Variants in LRRCC1 observed in about 807,000 individuals in gnomAD.
LRRCC1 encodes the protein leucine rich repeat and coiled-coil centrosomal protein 1, also known as leucine-rich repeat and coiled-coil domain-containing protein 1.
LRRCC1 carries 115 observed loss-of-function variants against 126.0 expected under a neutral mutation model. That is an observed-to-expected ratio of 0.91 (90% CI 0.78 to 1.07). The LOEUF (loss-of-function observed/expected upper bound fraction) is 1.07, where lower values mean the gene tolerates loss of function less well. Ranked by LOEUF, LRRCC1 falls within the 50% of genes least tolerant of loss-of-function variation. The pLI is 0.00. For missense variants in LRRCC1, 1,172 were observed against 1,175.7 expected, an observed-to-expected ratio of 1.00 and a Z score of 0.05; for synonymous variants, 400 against 393.4, an observed-to-expected ratio of 1.02 and a Z score of -0.20.
intron 6 of LRRCC1, among the ~76,000 whole-genome samples, chr8:85,122,729 T>C (rs542991970): frequency 6.6e-6 from 1 of 152,332 alleles, no homozygotes; most frequent in African/African-American, 2.4e-5. Flanking sequence ...CCATTTTCTC[T>C]TGAGAATAGG....
chr8:85,134,026 C>A (rs145019263), intron 12 of LRRCC1, among the ~76,000 whole-genome samples: 1 of 152,308 alleles, frequency 6.6e-6, no homozygotes, highest in Non-Finnish European at 1.5e-5. Context: ...TCCTATTCCT[C>A]CAATGTATCA....
chr8:85,113,980 A>G (rs1338699711), intron 4 of LRRCC1, among the ~76,000 whole-genome samples: 3 of 152,070 alleles, frequency 2.0e-5, no homozygotes, highest in Admixed American at 6.6e-5. Context: ...TCATTTTATT[A>G]TTCATATGCA....
chr8:85,137,733 A>ACAC, intron 15 of LRRCC1, 106 bp downstream of exon 15: 1 of 835,042 alleles, frequency 1.2e-6, no homozygotes, highest in Non-Finnish European at 1.7e-6. Flanking sequence ...CTGTTGTAAA[A>ACAC]TTTGGGGTAG....
chr8:85,130,885 G>A (rs1810414972), intron 11 of LRRCC1, among the ~76,000 whole-genome samples: 1 of 152,146 alleles, frequency 6.6e-6, no homozygotes, highest in African/African-American at 2.4e-5. Context: ...TCCAATAAAA[G>A]TGTATTTACA....
At position 85,129,034 on chromosome 8, in the gene LRRCC1, C is replaced by T. The variant is rs78103520; in HGVS notation, c.1422-141C>T. On this transcript the variant is annotated intron_variant, in intron 9 of 18. Coordinates refer to ENST00000360375, the MANE Select transcript of LRRCC1 (RefSeq NM_033402.5). Reference sequence around the variant, plus strand: ...GCCCCTACCCATATACAGTCTAGCACGCTTTCATATAGCATATCAAACAGG... The same window carrying T: ...GCCCCTACCCATATACAGTCTAGCATGCTTTCATATAGCATATCAAACAGG... 2,115 of 665,374 alleles carry T rather than the reference C, an allele frequency of 3.2e-3. 39 individuals are homozygous for T. In the African/African-American group the frequency reaches 0.034, roughly 11 times the overall value. The allele number at this position is 665,374 out of a possible 1,614,324, so 41.2% of individuals were successfully genotyped here. A position where few individuals can be genotyped will look rare whatever the true frequency, so the allele number is the denominator to read the frequency against.
rs1810329984 is a variant in LRRCC1 at position 85,130,028 on chromosome 8, A to G, written c.1736A>G (p.Gln579Arg). The G allele has an allele frequency of 6.3e-7, 1 of 1,597,096 alleles. No individual in the cohort carries two copies. Residue 579 changes from glutamine (Q) to arginine (R), a missense_variant, in exon 11 of 19, where the codon CAA (glutamine) becomes CGA (arginine). By Grantham distance (43) the Gln-to-Arg change is conservative (BLOSUM62 1). Transcript: ENST00000360375. ...AGAGAACAAGCGCAACAACTTCATC[A>G]ACTTCTTGCATTGAAAGAACAGGAA... Reference protein sequence around the residue: ...REREQAQQLHQLLALKEQEHR... With the variant: ...REREQAQQLHRLLALKEQEHR...
chr8:85,138,591 A>G, intron 17 of LRRCC1, 116 bp downstream of exon 17: 2 of 1,087,314 alleles, frequency 1.8e-6, no homozygotes, highest in South Asian at 1.7e-5. Context: ...GTTATTTGCC[A>G]AGAAGTTTAT....
intron 12 of LRRCC1, among the ~76,000 whole-genome samples, chr8:85,134,019 T>C (rs1810679224): frequency 6.6e-6 from 1 of 152,188 alleles, no homozygotes; most frequent in South Asian, 2.1e-4. Context: ...GCCTTCTTCC[T>C]ATTCCTCCAA....
At position 85,126,715 on chromosome 8, in the gene LRRCC1, G is replaced by C; in HGVS notation, c.1299G>C (p.Glu433Asp). 1 of 1,612,732 alleles carries C rather than the reference G, an allele frequency of 6.2e-7. No homozygotes were observed. The highest frequency in any genetic ancestry group is 8.5e-7 in the Non-Finnish European group (1 of 1,179,892). The change falls in exon 9 of 19, where the codon GAG becomes GAC. Residue 433 changes from glutamate (E) to aspartate (D), a missense_variant. Coordinates refer to ENST00000360375, the MANE Select transcript of LRRCC1 (RefSeq NM_033402.5). The part of the protein sequence containing the change: ...YQSLVEQLDQ[E>D]REKRWRAEQA... ...CCCTTGTTGAACAGCTAGACCAAGA[G>C]AGAGAGAAGAGATGGAGAGCTGAGC...
chr8:85,123,150 G>T lies in LRRCC1; in HGVS notation c.931-263G>T, dbSNP rs942523068. On this transcript the variant is annotated intron_variant, in intron 6 of 18. Coordinates refer to ENST00000360375, the MANE Select transcript of LRRCC1 (RefSeq NM_033402.5). ...TCCCCTCTAGGATAATCCTAGTTTT[G>T]TTCACTTTATAAGGCCTTCAAGTAG... 6.6e-6 allele frequency among the ~76,000 whole-genome samples: 1 copy of T among 151,998 alleles called. No individual in the cohort carries two copies. The highest frequency in any genetic ancestry group is 1.5e-5 in the Non-Finnish European group (1 of 67,978).
rs748821311 is a variant in LRRCC1, at chr8:85,115,104, C to T, written c.549C>T (p.Tyr183=). Residue 183 remains tyrosine, a synonymous_variant, in exon 5 of 19, where the codon TAC becomes TAT. Transcript: ENST00000360375. ...DDNPVCRLPG[Y]RAVILQTLPQ... is the part of the protein sequence containing the mutation. Reference sequence around the variant, plus strand: ...TTTGAATGATTTGTTTCCAAGGGTACAGAGCAGTTATTCTCCAGACTTTGC... The same window carrying T: ...TTTGAATGATTTGTTTCCAAGGGTATAGAGCAGTTATTCTCCAGACTTTGC... 5.7e-6 allele frequency: 9 copies of T among 1,592,374 alleles called. No individual in the cohort carries two copies. The East Asian group carries it at 2.0e-4, about 36-fold the overall frequency.
At chr8:85,139,110 CTG>C (rs1266380094) in intron 17 of LRRCC1, among the ~76,000 whole-genome samples, 3 of 151,920 alleles carry the variant, frequency 2.0e-5, no homozygotes, top group African/African-American at 4.8e-5. Context: ...GCATTTTAAA[CTG>C]TGTTTGAATG....
intron 6 of LRRCC1, among the ~76,000 whole-genome samples, chr8:85,122,340 C>G (rs952647919): frequency 6.6e-6 from 1 of 152,116 alleles, no homozygotes; most frequent in African/African-American, 2.4e-5. Flanking sequence ...TTCTTCTGCT[C>G]CATTCTCTCT....
chr8:85,109,682 T>C lies in LRRCC1; in HGVS notation c.192T>C (p.Ile64=), dbSNP rs2135910653. The change falls in exon 2 of 19, where the codon ATT becomes ATC. Residue 64 remains isoleucine, a synonymous_variant. Transcript: ENST00000360375. ...CCAAGATCGAAGCCATTGATCATATTTGGAATTTACAACATCTAGATCTGT... is the reference window on the plus strand; with the variant it reads ...CCAAGATCGAAGCCATTGATCATATCTGGAATTTACAACATCTAGATCTGT... ...NISKIEAIDH[I]WNLQHLDLSS... The C allele has an allele frequency of 6.2e-7, 1 of 1,610,110 alleles. No homozygotes were observed. The highest frequency in any genetic ancestry group is 8.5e-7 in the Non-Finnish European group (1 of 1,176,650).
At chr8:85,107,523 T>G in intron 1 of LRRCC1, 124 bp downstream of exon 1, 1 of 835,294 alleles carries the variant, frequency 1.2e-6, no homozygotes, top group Non-Finnish European at 1.8e-6. Context: ...GTGAACGCAG[T>G]CTGGCTTTCG....
Position 85,123,687 on chromosome 8 carries a change from T to C in LRRCC1, c.1124+81T>C. Reference sequence around the variant, plus strand: ...CTCTCTTGAAGCTATCTCTTGGTGATATTTGTTACTTTACTAATGTTGAAG... The same window carrying C: ...CTCTCTTGAAGCTATCTCTTGGTGACATTTGTTACTTTACTAATGTTGAAG... On this transcript the variant is annotated intron_variant, in intron 7 of 18. Transcript: ENST00000360375. The C allele has an allele frequency of 2.8e-6, 3 of 1,058,376 alleles. No individual in the cohort carries two copies. In the South Asian group the frequency reaches 5.3e-5, roughly 19 times the overall value. The allele number at this position is 1,058,376 out of a possible 1,614,324, so 65.6% of individuals were successfully genotyped here.
At chr8:85,121,907 G>A (rs1041222022) in intron 6 of LRRCC1, among the ~76,000 whole-genome samples, 2 of 151,996 alleles carry the variant, frequency 1.3e-5, no homozygotes, top group Non-Finnish European at 2.9e-5. Context: ...ATTTCTTCTT[G>A]AGGATTCAAA....
chr8:85,119,415 T>C, intron 6 of LRRCC1, among the ~76,000 whole-genome samples: 2 of 152,196 alleles, frequency 1.3e-5, no homozygotes, highest in South Asian at 4.1e-4. Context: ...ATTTGATTAA[T>C]ATTTGTTTTC....
rs765163978 is a variant in LRRCC1, at chr8:85,109,575, G to C, written c.105-20G>C. 1 of 1,371,094 alleles carries C rather than the reference G, an allele frequency of 7.3e-7. No homozygotes were observed. 84.9% of individuals were successfully genotyped at this position (1,371,094 alleles called of 1,614,324 possible). A position where few individuals can be genotyped will look rare whatever the true frequency, so the allele number is the denominator to read the frequency against. On this transcript the variant is annotated intron_variant, in intron 1 of 18. Coordinates refer to ENST00000360375, the MANE Select transcript of LRRCC1 (RefSeq NM_033402.5). The stretch of plus-strand genomic sequence containing the variant: ...CATGCTTTTAAAATCTATTTTTATA[G>C]TATATATTTTCTTTTATAGCATATC...
Sources: gnomAD v4.1 joint callset for allele counts (sites outside exome capture counted in the v4.1 genomes callset) on GRCh38, gnomAD v4.1.1 for gene constraint, MANE v1.5 for transcripts, NCBI Gene and HGNC (gene_info 2026-07-23, HGNC 2026-07-21) for gene names.